AGPAT4: variants seen among roughly 807,000 people sequenced by gnomAD.
The protein encoded by AGPAT4 is 1-acyl-sn-glycerol-3-phosphate acyltransferase delta.
Under a neutral mutation model 48.0 loss-of-function variants are expected in AGPAT4, and 15 were observed. The ratio of observed to expected loss-of-function variants is 0.31; its 90% CI spans 0.21 to 0.48. The LOEUF (loss-of-function observed/expected upper bound fraction) is 0.48. AGPAT4 is among the 20% of genes least tolerant of loss of function. AGPAT4 has a pLI of 0.99. For synonymous variants in AGPAT4, 178 were observed against 198.7 expected (o/e 0.90, Z 0.88); for missense variants, 314 against 482.5 (o/e 0.65, Z 3.27).
rs1410651562 is a variant in AGPAT4 at position 161,130,459 on chromosome 6, C to T, written c.*6081G>A. The T allele has an allele frequency of 3.8e-5, 6 of 159,514 alleles. No homozygotes were observed. The East Asian group carries it at 8.7e-4, about 23-fold the overall frequency. 9.9% of individuals were successfully genotyped at this position (159,514 alleles called of 1,614,324 possible). A position where few individuals can be genotyped will look rare whatever the true frequency, so the allele number is the denominator to read the frequency against. On this transcript the variant is annotated 3_prime_UTR_variant, in exon 9 of 9. Coordinates refer to ENST00000320285, the MANE Select transcript of AGPAT4 (RefSeq NM_020133.3). ...CGCTTTCCCTCCTTAAATTACCTCC[C>T]TCCAGGTCTGTTTCCTCAAAGATCA... is the stretch of plus-strand genomic sequence containing the variant.
chr6:161,156,633 C>T (rs1367303216), intron 3 of AGPAT4, among the ~76,000 whole-genome samples: 2 of 152,236 alleles, frequency 1.3e-5, no homozygotes, highest in East Asian at 3.8e-4. Context: ...GTAGTTGTTG[C>T]TGGGCTGTTG....
In AGPAT4 at chr6:161,272,122, C is replaced by T. The variant is rs916076898; in HGVS notation, c.-90+1816G>A. Among the ~76,000 whole-genome samples the T allele has an allele frequency of 6.6e-6, 1 of 152,088 alleles. No individual in the cohort carries two copies. The highest frequency in any genetic ancestry group is 1.5e-5 in the Non-Finnish European group (1 of 68,024). On this transcript the variant is annotated intron_variant, in intron 1 of 8. Transcript: ENST00000320285. The surrounding 1 kb of genome is among the most constrained non-coding windows in gnomAD (Gnocchi z 4.2). ...GCTATTTTGCCCCATTTTCAGGTAA[C>T]TTTTCTACCTGAATTACTTAGGACC...
chr6:161,170,506 CAT>C (rs1201881041), intron 2 of AGPAT4, among the ~76,000 whole-genome samples: 12 of 150,318 alleles, frequency 8.0e-5, no homozygotes, highest in Admixed American at 4.6e-4. Flanking sequence ...CACACACACA[CAT>C]ACACATATAC....
chr6:161,271,206 A>G (rs992294178), intron 1 of AGPAT4, among the ~76,000 whole-genome samples: 2 of 152,214 alleles, frequency 1.3e-5, no homozygotes, highest in African/African-American at 4.8e-5. Flanking sequence ...CTTGGAGTTA[A>G]GAACCCTGAA....
Position 161,259,991 on chromosome 6 carries a change from G to C in AGPAT4, c.-90+13947C>G, listed in dbSNP as rs1222320043. On this transcript the variant is annotated intron_variant, in intron 1 of 8. Transcript: ENST00000320285. This position sits in a 1 kb window ranked among gnomAD's most constrained non-coding sequence, Gnocchi z 4.9. ...CTTCCATTCACCTGGCGCTATACGT[G>C]TTTGGGGCTGGGGAGTCTCTGGAAG... Among the ~76,000 whole-genome samples, 1 of 152,116 alleles carries C rather than the reference G, an allele frequency of 6.6e-6. No homozygotes were observed. Among genetic ancestry groups the C allele is most frequent in the Non-Finnish European group, 1.5e-5 (1 of 68,024 alleles).
In AGPAT4 at chr6:161,169,242, C is replaced by A. The variant is rs1163891384; in HGVS notation, c.179-2825G>T. Among the ~76,000 whole-genome samples, 1 of 151,926 alleles carries A rather than the reference C, an allele frequency of 6.6e-6. No homozygotes were observed. Among genetic ancestry groups the A allele is most frequent in the Non-Finnish European group, 1.5e-5 (1 of 68,002 alleles). ...TGGAGCATTTTTAAATAGACACACACCAACATCCAATTTGCATCTGAAAAA... is the reference window on the plus strand; with the variant it reads ...TGGAGCATTTTTAAATAGACACACAACAACATCCAATTTGCATCTGAAAAA... On this transcript the variant is annotated intron_variant, in intron 2 of 8. Coordinates refer to ENST00000320285, the MANE Select transcript of AGPAT4 (RefSeq NM_020133.3). The surrounding 1 kb of genome is among the most constrained non-coding windows in gnomAD (Gnocchi z 5.0).
rs1479081625 is a variant in AGPAT4, at chr6:161,222,710, G to C, written c.178+9326C>G. Among the ~76,000 whole-genome samples the C allele has an allele frequency of 6.6e-6, 1 of 152,072 alleles. No individual in the cohort carries two copies. Among genetic ancestry groups the C allele is most frequent in the Admixed American group, 6.6e-5 (1 of 15,262 alleles). ...TGAAATTTCTGAGGGATGGATACTT[G>C]GAGCCCATCTAGTGAGAGGGTCAAT... On this transcript the variant is annotated intron_variant, in intron 2 of 8. Transcript: ENST00000320285. The surrounding 1 kb of genome is among the most constrained non-coding windows in gnomAD (Gnocchi z 5.9).
rs1783404648 is a variant in AGPAT4 at position 161,270,968 on chromosome 6, C to T, written c.-90+2970G>A. On this transcript the variant is annotated intron_variant, in intron 1 of 8. Transcript: ENST00000320285. This position sits in a 1 kb window ranked among gnomAD's most constrained non-coding sequence, Gnocchi z 5.3. ...CGGGTAAGTTCCTGGTTGCGTCTTCCCCAGTTTCATACCTGTTTAAAGTCT... is the reference window on the plus strand; with the variant it reads ...CGGGTAAGTTCCTGGTTGCGTCTTCTCCAGTTTCATACCTGTTTAAAGTCT... Among the ~76,000 whole-genome samples the T allele has an allele frequency of 6.6e-6, 1 of 152,138 alleles. No individual in the cohort carries two copies. The highest frequency in any genetic ancestry group is 2.1e-4 in the South Asian group (1 of 4,816).
intron 1 of AGPAT4, among the ~76,000 whole-genome samples, chr6:161,271,412 T>C (rs1013364985): frequency 2.0e-5 from 3 of 152,204 alleles, no homozygotes; most frequent in African/African-American, 7.2e-5. Context: ...GCTCTTCTTT[T>C]CGCCACCCGT....
chr6:161,161,457 C>A lies in AGPAT4; in HGVS notation c.348+4791G>T, dbSNP rs1562318527. ...AATGGTAAGAGGCAGAGGGTGGCGT[C>A]CCAGCCCATTCCTAGTGCAAGGTCT... On this transcript the variant is annotated intron_variant, in intron 3 of 8. Coordinates refer to ENST00000320285, the MANE Select transcript of AGPAT4 (RefSeq NM_020133.3). The surrounding 1 kb of genome is among the most constrained non-coding windows in gnomAD (Gnocchi z 4.6). 2.2e-6 allele frequency: 1 copy of A among 456,726 alleles called. No individual in the cohort carries two copies. The highest frequency in any genetic ancestry group is 2.3e-5 in the Admixed American group (1 of 42,582). 28.3% of individuals were successfully genotyped at this position (456,726 alleles called of 1,614,324 possible). A position where few individuals can be genotyped will look rare whatever the true frequency, so the allele number is the denominator to read the frequency against.
Position 161,264,932 on chromosome 6 carries a change from G to A in AGPAT4, c.-90+9006C>T, listed in dbSNP as rs1783207430. 2.6e-5 allele frequency among the ~76,000 whole-genome samples: 4 copies of A among 152,156 alleles called. No individual in the cohort carries two copies. In the South Asian group the frequency reaches 8.3e-4, roughly 32 times the overall value. On this transcript the variant is annotated intron_variant, in intron 1 of 8. Coordinates refer to ENST00000320285, the MANE Select transcript of AGPAT4 (RefSeq NM_020133.3). This position sits in a 1 kb window ranked among gnomAD's most constrained non-coding sequence, Gnocchi z 6.8. ...GAAGCCTAACTTCAGGCAGGGCAGG[G>A]TGCTGGTCCTGGGAAGGAAGTAAAG...
chr6:161,255,630 C>T lies in AGPAT4; in HGVS notation c.-90+18308G>A, dbSNP rs1782924919. On this transcript the variant is annotated intron_variant, in intron 1 of 8. Transcript: ENST00000320285. The surrounding 1 kb of genome is among the most constrained non-coding windows in gnomAD (Gnocchi z 4.7). ...GAAAGAAACCCGTCACAAAACACCA[C>T]ATATGGTACGATTCGGTTTATATGA... Among the ~76,000 whole-genome samples the T allele has an allele frequency of 6.6e-6, 1 of 152,028 alleles. No individual in the cohort carries two copies. The highest frequency in any genetic ancestry group is 2.4e-5 in the African/African-American group (1 of 41,372).
chr6:161,179,773 G>C (rs1416433084), intron 2 of AGPAT4, among the ~76,000 whole-genome samples: 1 of 152,110 alleles, frequency 6.6e-6, no homozygotes, highest in Non-Finnish European at 1.5e-5. Context: ...TCTTTTTGAT[G>C]ATTTGCTTAA....
chr6:161,191,815 C>A (rs1235791599), intron 2 of AGPAT4, among the ~76,000 whole-genome samples: 1 of 152,182 alleles, frequency 6.6e-6, no homozygotes, highest in East Asian at 1.9e-4. Flanking sequence ...ATAGCATGGA[C>A]AAAACTAAAC....
rs1402449749 is a variant in AGPAT4, at chr6:161,235,321, C to T, written c.-89-3019G>A. Among the ~76,000 whole-genome samples, 1 of 151,942 alleles carries T rather than the reference C, an allele frequency of 6.6e-6. No individual in the cohort carries two copies. Among genetic ancestry groups the T allele is most frequent in the Non-Finnish European group, 1.5e-5 (1 of 68,010 alleles). Reference sequence around the variant, plus strand: ...GATTCTCAAATTTATATGCAAACGCCAAAATAAGAATAGTCAAGGCATCCT... The same window carrying T: ...GATTCTCAAATTTATATGCAAACGCTAAAATAAGAATAGTCAAGGCATCCT... On this transcript the variant is annotated intron_variant, in intron 1 of 8. Transcript: ENST00000320285. This position sits in a 1 kb window ranked among gnomAD's most constrained non-coding sequence, Gnocchi z 6.2.
chr6:161,148,552 T>A lies in AGPAT4; in HGVS notation c.767+635A>T, dbSNP rs932789849. ...TCTCTTGATTAGCATTCAGAGAAGA[T>A]GATCCACAGCACAACAAACCAATAC... On this transcript the variant is annotated intron_variant, in intron 6 of 8. Transcript: ENST00000320285. This position sits in a 1 kb window ranked among gnomAD's most constrained non-coding sequence, Gnocchi z 5.5. 6.6e-6 allele frequency among the ~76,000 whole-genome samples: 1 copy of A among 152,214 alleles called. No individual in the cohort carries two copies. Among genetic ancestry groups the A allele is most frequent in the African/African-American group, 2.4e-5 (1 of 41,454 alleles).
chr6:161,273,346 A>G (rs1783484120), intron 1 of AGPAT4, among the ~76,000 whole-genome samples: 1 of 152,042 alleles, frequency 6.6e-6, no homozygotes, highest in South Asian at 2.1e-4. Context: ...GAAAAACCAA[A>G]ATGAAAGTGA....
chr6:161,242,242 G>A lies in AGPAT4; in HGVS notation c.-89-9940C>T, dbSNP rs1042613480. ...GGGCTAATGGTGAGTAACTGTGGGG[G>A]CCCGGCCTGGGCCAGTCTCACGCTT... On this transcript the variant is annotated intron_variant, in intron 1 of 8. Transcript: ENST00000320285. This position sits in a 1 kb window ranked among gnomAD's most constrained non-coding sequence, Gnocchi z 5.0. Among the ~76,000 whole-genome samples, 2 of 152,206 alleles carry A rather than the reference G, an allele frequency of 1.3e-5. No homozygotes were observed. Among genetic ancestry groups the A allele is most frequent in the African/African-American group, 4.8e-5 (2 of 41,452 alleles).
At chr6:161,258,792 C>T (rs189806596) in intron 1 of AGPAT4, among the ~76,000 whole-genome samples, 42 of 145,536 alleles carry the variant, frequency 2.9e-4, no homozygotes, top group Non-Finnish European at 4.3e-4. Context: ...TTACCACAAG[C>T]ATTTAATTTT....
Sources: allele counts gnomAD v4.1 joint callset (sites outside exome capture counted in the v4.1 genomes callset), GRCh38; gene constraint gnomAD v4.1.1; non-coding constraint Gnocchi (gnomAD v3.1); transcripts MANE v1.5; gene names NCBI Gene and HGNC (gene_info 2026-07-23, HGNC 2026-07-21).